Variants in ABCC1 observed in about 807,000 individuals in gnomAD.
ABCC1 encodes the protein ATP binding cassette subfamily C member 1 (ABCC1 blood group).
In ABCC1, 83 loss-of-function variants were observed where a neutral mutation model predicts 172.9. That is an observed-to-expected ratio of 0.48 (90% CI 0.40 to 0.58). The LOEUF (loss-of-function observed/expected upper bound fraction) is 0.58. Ranked by LOEUF, ABCC1 falls within the 20% of genes least tolerant of loss-of-function variation. The probability of loss-of-function intolerance (pLI) is 0.00; values close to 1 mark genes in which losing one functional copy is unlikely to be tolerated. For missense variants in ABCC1, 1,817 were observed against 2,002.7 expected (o/e 0.91, Z 1.77); for synonymous variants, 937 against 825.2 (o/e 1.14, Z -2.32).
At chr16:15,954,345 T>C (rs1314187244) in intron 1 of ABCC1, among the ~76,000 whole-genome samples, 2 of 152,098 alleles carry the variant, frequency 1.3e-5, no homozygotes, top group African/African-American at 4.8e-5. Context: ...TCCCCCTTTT[T>C]GGCTGCCCCT....
rs1007483182 is a variant in ABCC1 at position 16,083,279 on chromosome 16, T to C, written c.2116-87T>C. On this transcript the variant is annotated intron_variant, in intron 16 of 30. Transcript: ENST00000399410. ...GAAAATGACTTGTGAAGTGAGGCCC[T>C]CCTAGCAGGCGGGTGGGCCAGCTGT... is the stretch of plus-strand genomic sequence containing the variant. 57 of 1,340,318 alleles carry C rather than the reference T, an allele frequency of 4.3e-5. No homozygotes were observed. In the South Asian group the frequency reaches 7.4e-4, roughly 17 times the overall value. 83.0% of individuals were successfully genotyped at this position (1,340,318 alleles called of 1,614,324 possible).
rs913034931 is a variant in ABCC1, at chr16:15,975,931, C to T, written c.48+26132C>T. 2.0e-5 allele frequency among the ~76,000 whole-genome samples: 3 copies of T among 152,032 alleles called. No homozygotes were observed. The East Asian group carries it at 5.8e-4, about 29-fold the overall frequency. ...GGAGAATTAAATGGACATGGTCTTG[C>T]TTTGGGGGGAAATGACAGGTAGGAG... On this transcript the variant is annotated intron_variant, in intron 1 of 30. Coordinates refer to ENST00000399410, the MANE Select transcript of ABCC1 (RefSeq NM_004996.4).
intron 4 of ABCC1, 97 bp from the exon 5 acceptor site, chr16:16,016,399 C>A: frequency 1.3e-6 from 2 of 1,483,098 alleles, no homozygotes; most frequent in Non-Finnish European, 1.8e-6. Flanking sequence ...GGTGTTCTGC[C>A]TGTCTCGGCC....
intron 5 of ABCC1, among the ~76,000 whole-genome samples, chr16:16,020,327 T>C (rs1253216902): frequency 6.6e-6 from 1 of 152,176 alleles, no homozygotes; most frequent in East Asian, 1.9e-4. Flanking sequence ...AACACTTTGA[T>C]TGGCTGACAC....
At chr16:15,977,504 G>A (rs2046521644) in intron 1 of ABCC1, among the ~76,000 whole-genome samples, 2 of 151,784 alleles carry the variant, frequency 1.3e-5, no homozygotes, top group African/African-American at 4.9e-5. Flanking sequence ...CCAAAATACT[G>A]GGATTATAGG....
intron 1 of ABCC1, among the ~76,000 whole-genome samples, chr16:15,984,454 T>TTTTTTTTTTTTTTTTTTTA (rs2046699334): frequency 6.6e-6 from 1 of 151,690 alleles, no homozygotes. Context: ...TATACTTTTT[T>TTTTTTTTTTTTTTTTTTTA]TTTTTTTGAG....
intron 1 of ABCC1, among the ~76,000 whole-genome samples, chr16:15,991,311 G>A (rs964596658): frequency 6.6e-6 from 1 of 152,000 alleles, no homozygotes; most frequent in Non-Finnish European, 1.5e-5. Flanking sequence ...CTATGGGTAT[G>A]TGGTGGGGTG....
intron 19 of ABCC1, among the ~76,000 whole-genome samples, chr16:16,100,190 C>T (rs55837901): frequency 0.024 from 3,678 of 152,292 alleles, 63 homozygotes; most frequent in Non-Finnish European, 0.035. Context: ...AATTTTCCAG[C>T]TGCCCAGTTC....
At chr16:16,074,769 G>A (rs1440520338) in intron 14 of ABCC1, among the ~76,000 whole-genome samples, 1 of 152,172 alleles carries the variant, frequency 6.6e-6, no homozygotes, top group Non-Finnish European at 1.5e-5. Flanking sequence ...AGCTGAGGGA[G>A]AAAGTTAATC....
chr16:16,075,191 C>T (rs772462998), intron 14 of ABCC1, among the ~76,000 whole-genome samples: 3 of 151,942 alleles, frequency 2.0e-5, no homozygotes, highest in East Asian at 1.9e-4. Flanking sequence ...GTGATCTGCC[C>T]GCCTCGGTCT....
At position 15,974,471 on chromosome 16, in the gene ABCC1, C is replaced by T. The variant is rs148568986; in HGVS notation, c.48+24672C>T. On this transcript the variant is annotated intron_variant, in intron 1 of 30. Transcript: ENST00000399410. ...GTGACTGCCTGTCTCCTTGAGTTGG[C>T]GTGGCTAAGAAGTAAGGGAATTTTT... Among the ~76,000 whole-genome samples the T allele has an allele frequency of 3.9e-5, 6 of 152,136 alleles. No homozygotes were observed. The East Asian group carries it at 9.7e-4, about 24-fold the overall frequency.
chr16:16,072,867 C>A (rs1258463100), intron 14 of ABCC1, among the ~76,000 whole-genome samples: 2 of 151,248 alleles, frequency 1.3e-5, no homozygotes, highest in Admixed American at 1.3e-4. Context: ...CAAGGTGAAA[C>A]CCCGTCTCTA....
chr16:16,068,011 C>T lies in ABCC1; in HGVS notation c.1678-145C>T, dbSNP rs568146565. 4.8e-6 allele frequency: 4 copies of T among 826,368 alleles called. No homozygotes were observed. The South Asian group carries it at 6.5e-5, about 13-fold the overall frequency. The allele number at this position is 826,368 out of a possible 1,614,324, so 51.2% of individuals were successfully genotyped here. On this transcript the variant is annotated intron_variant, in intron 12 of 30. Transcript: ENST00000399410. ...GCACCTGCCATGTGCCAGATACTGC[C>T]CCAGGTTTTTCCACGAGCTCCAGCA...
chr16:16,020,127 G>C (rs1248144237), intron 5 of ABCC1, among the ~76,000 whole-genome samples: 1 of 152,112 alleles, frequency 6.6e-6, no homozygotes, highest in Non-Finnish European at 1.5e-5. Context: ...TCACCGTGTT[G>C]GCCAGGATGG....
chr16:16,120,944 T>C (rs899644467), intron 23 of ABCC1, among the ~76,000 whole-genome samples: 2 of 152,116 alleles, frequency 1.3e-5, no homozygotes, highest in African/African-American at 4.8e-5. Context: ...ATGATAACAA[T>C]AGTCACCAGC....
At chr16:16,048,611 C>G (rs1332508255) in intron 10 of ABCC1, among the ~76,000 whole-genome samples, 2 of 152,214 alleles carry the variant, frequency 1.3e-5, no homozygotes, top group African/African-American at 4.8e-5. Flanking sequence ...CTCCCAAACG[C>G]TAACCAGACT....
chr16:16,107,845 G>T (rs187389659), intron 21 of ABCC1, among the ~76,000 whole-genome samples: 1 of 150,688 alleles, frequency 6.6e-6, no homozygotes, highest in Admixed American at 6.6e-5. Flanking sequence ...AAAGGGAATG[G>T]AATTTTTAAA....
rs753355266 is a variant in ABCC1, at chr16:16,016,527, C to G, written c.521C>G (p.Thr174Ser). 6.2e-7 allele frequency: 1 copy of G among 1,614,170 alleles called. No homozygotes were observed. Among genetic ancestry groups the G allele is most frequent in the African/African-American group, 1.3e-5 (1 of 75,054 alleles). Reference sequence around the variant, plus strand: ...CAGGTGGACCTGTTTCGTGACATCACTTTCTACGTCTACTTTTCCCTCTTA... The same window carrying G: ...CAGGTGGACCTGTTTCGTGACATCAGTTTCTACGTCTACTTTTCCCTCTTA... ...DAQVDLFRDI[T>S]FYVYFSLLLI... The change falls in exon 5 of 31, where the codon ACT becomes AGT. Residue 174 changes from threonine (T) to serine (S), a missense_variant. Physicochemically the swap from Thr to Ser is moderately conservative, Grantham distance 58. Around this residue, in one of 3 missense-constraint regions of ABCC1, gnomAD observed 398 missense variants for 384.2 expected, o/e 1.04. Coordinates refer to ENST00000399410, the MANE Select transcript of ABCC1 (RefSeq NM_004996.4).
At chr16:16,008,497 G>A (rs964407524) in intron 2 of ABCC1, among the ~76,000 whole-genome samples, 9 of 151,492 alleles carry the variant, frequency 5.9e-5, no homozygotes, top group African/African-American at 1.7e-4. Flanking sequence ...GAACCACCAC[G>A]CCTGGCCCCT....
Sources: gnomAD v4.1 joint callset for allele counts (sites outside exome capture counted in the v4.1 genomes callset) on GRCh38, gnomAD v4.1.1 for gene constraint, gnomAD v4.1.1 regional missense constraint, MANE v1.5 for transcripts, NCBI Gene and HGNC (gene_info 2026-07-23, HGNC 2026-07-21) for gene names.